The following USP46 variants were observed in gnomAD, a reference collection of about 807,000 sequenced individuals.
USP46 encodes ubiquitin carboxyl-terminal hydrolase 46.
USP46 carries 12 observed loss-of-function variants against 44.4 expected under a neutral mutation model. The ratio of observed to expected loss-of-function variants is 0.27; its 90% CI spans 0.17 to 0.44. The LOEUF is 0.44. Among genes scored for constraint, USP46 ranks in the 20% least tolerant of loss-of-function variants. The pLI, the probability that USP46 is intolerant of heterozygous loss-of-function variation, is 1.00. For synonymous variants in USP46, 155 were observed against 161.5 expected (o/e 0.96, Z 0.31); for missense variants, 248 against 444.8 (o/e 0.56, Z 3.98).
At chr4:52,635,534 A>G (rs1236847146) in intron 1 of USP46, among the ~76,000 whole-genome samples, 1 of 152,014 alleles carries the variant, frequency 6.6e-6, no homozygotes, top group Admixed American at 6.6e-5. Context: ...GACCCTTCTC[A>G]CTGGCCTTCC....
intron 1 of USP46, among the ~76,000 whole-genome samples, chr4:52,653,535 T>C (rs1217550592): frequency 6.6e-6 from 1 of 150,842 alleles, no homozygotes; most frequent in Non-Finnish European, 1.5e-5. Flanking sequence ...TGCTGATTGA[T>C]TTTTGGGTGG....
At chr4:52,654,044 A>T (rs1488052153) in intron 1 of USP46, among the ~76,000 whole-genome samples, 1 of 152,246 alleles carries the variant, frequency 6.6e-6, no homozygotes, top group African/African-American at 2.4e-5. Context: ...ACTAAATACC[A>T]GCATTCAACT....
chr4:52,602,094 C>T, intron 6 of USP46, 40 bp from the exon 7 acceptor site: 1 of 1,581,124 alleles, frequency 6.3e-7, no homozygotes, highest in African/African-American at 1.3e-5. Context: ...GTACCCAACA[C>T]CTATTAGGGG....
chr4:52,634,410 G>A (rs1308678936), intron 1 of USP46, among the ~76,000 whole-genome samples: 1 of 148,336 alleles, frequency 6.7e-6, no homozygotes, highest in Non-Finnish European at 1.5e-5. Flanking sequence ...TCAGGAGGCT[G>A]AGGCAGGAGA....
chr4:52,628,454 T>C, intron 2 of USP46: 1 of 281,668 alleles, frequency 3.6e-6, no homozygotes, highest in Non-Finnish European at 6.7e-6. Context: ...CGAGACCTGC[T>C]GGTGCTTAAA....
chr4:52,655,367 T>C (rs1718912231), intron 1 of USP46: 1 of 152,214 alleles, frequency 6.6e-6, no homozygotes, highest in African/African-American at 2.4e-5. Context: ...CAGATGGCCA[T>C]TTATCGGAAC....
At chr4:52,608,528 G>C (rs73248664) in intron 5 of USP46, among the ~76,000 whole-genome samples, 1,912 of 152,322 alleles carry the variant, frequency 0.013, 22 homozygotes, top group Non-Finnish European at 0.018. Context: ...ATTTTCCCTG[G>C]CTCACCAGTT....
intron 4 of USP46, among the ~76,000 whole-genome samples, chr4:52,621,176 C>T (rs1433004199): frequency 6.6e-6 from 1 of 152,056 alleles, no homozygotes. Context: ...ACTAATTTTA[C>T]AGAATGTTGA....
intron 2 of USP46, 152 bp from the exon 3 acceptor site, chr4:52,628,315 C>T: frequency 1.5e-6 from 1 of 651,122 alleles, no homozygotes; most frequent in Non-Finnish European, 2.6e-6. Flanking sequence ...AACTAGTTAA[C>T]TACTCTAAAC....
rs1169988432 is a variant in USP46, at chr4:52,659,118, A to G, written c.33T>C (p.Asn11=). 1 of 1,566,976 alleles carries G rather than the reference A, an allele frequency of 6.4e-7. No individual in the cohort carries two copies. Among genetic ancestry groups the G allele is most frequent in the Non-Finnish European group, 8.6e-7 (1 of 1,158,010 alleles). Residue 11 remains asparagine, a synonymous_variant, in exon 1 of 9, where the codon AAT becomes AAC. Transcript: ENST00000441222. The surrounding 1 kb of genome is among the most constrained non-coding windows in gnomAD (Gnocchi z 4.2). Reference sequence around the variant, plus strand: ...CCGAGGCGGCTCGGCCACTCACCATATTACAGATGGAGGCGATGTTTCGGA... The same window carrying G: ...CCGAGGCGGCTCGGCCACTCACCATGTTACAGATGGAGGCGATGTTTCGGA... The part of the protein sequence containing the change: MTVRNIASIC[N]MGTNASALEK...
chr4:52,637,144 T>C (rs1374236588), intron 1 of USP46, among the ~76,000 whole-genome samples: 1 of 152,182 alleles, frequency 6.6e-6, no homozygotes, highest in Non-Finnish European at 1.5e-5. Flanking sequence ...CTCTACTTCC[T>C]TATCTCCAAA....
intron 1 of USP46, among the ~76,000 whole-genome samples, chr4:52,638,961 CATGG>C (rs748285012): frequency 6.6e-6 from 1 of 152,202 alleles, no homozygotes; most frequent in Non-Finnish European, 1.5e-5. Flanking sequence ...AATTGGTTTC[CATGG>C]ATACAGAATG....
rs905830195 is a variant in USP46, at chr4:52,595,888, T to C, written c.*1752A>G. Reference sequence around the variant, plus strand: ...AAGAGATCAAAACTCACCTTCCAGGTAGTGATTACTGCGTAAGTTTCATGG... The same window carrying C: ...AAGAGATCAAAACTCACCTTCCAGGCAGTGATTACTGCGTAAGTTTCATGG... On this transcript the variant is annotated 3_prime_UTR_variant, in exon 9 of 9. Transcript: ENST00000441222. The C allele has an allele frequency of 2.0e-5, 3 of 152,548 alleles. No homozygotes were observed. The highest frequency in any genetic ancestry group is 7.2e-5 in the African/African-American group (3 of 41,448). The allele number at this position is 152,548 out of a possible 1,614,324, so 9.4% of individuals were successfully genotyped here. A position where few individuals can be genotyped will look rare whatever the true frequency, so the allele number is the denominator to read the frequency against.
At chr4:52,650,278 T>C (rs1355503135) in intron 1 of USP46, among the ~76,000 whole-genome samples, 1 of 152,232 alleles carries the variant, frequency 6.6e-6, no homozygotes, top group Non-Finnish European at 1.5e-5. Flanking sequence ...TCAGAATGAA[T>C]AAACTCGACC....
In USP46 at chr4:52,659,250, G is replaced by A. The variant is rs1719083486; in HGVS notation, c.-100C>T. ...GGCGGGGAGGCCGGGCGGCAGCGCG[G>A]CGGCCTGGGGTCCGGCTTTCAGTTT... is the stretch of plus-strand genomic sequence containing the variant. On this transcript the variant is annotated 5_prime_UTR_variant, in exon 1 of 9. Coordinates refer to ENST00000441222, the MANE Select transcript of USP46 (RefSeq NM_022832.4). This position sits in a 1 kb window ranked among gnomAD's most constrained non-coding sequence, Gnocchi z 4.2. The A allele has an allele frequency of 7.3e-7, 1 of 1,375,130 alleles. No homozygotes were observed. Among genetic ancestry groups the A allele is most frequent in the East Asian group, 3.1e-5 (1 of 32,440 alleles). 85.2% of individuals were successfully genotyped at this position (1,375,130 alleles called of 1,614,324 possible).
In USP46 at chr4:52,609,898, C is replaced by CTTTTTTTTT. The variant is rs66817554; in HGVS notation, c.638+634_638+642dup. 4.0e-3 allele frequency among the ~76,000 whole-genome samples: 99 copies of CTTTTTTTTT among 24,576 alleles called. 25 individuals are homozygous for CTTTTTTTTT. The highest frequency in any genetic ancestry group is 7.0e-3 in the East Asian group (6 of 860). The allele number at this position is 24,576 out of a possible 152,430, so 16.1% of individuals were successfully genotyped here. On this transcript the variant is annotated intron_variant, in intron 5 of 8. Coordinates refer to ENST00000441222, the MANE Select transcript of USP46 (RefSeq NM_022832.4). Reference sequence around the variant, plus strand: ...GGAAACCTAAACCTCAATTCTATTTCTTTTTTTTTTTTTTTTTTTTTTTTT... The same window carrying CTTTTTTTTT: ...GGAAACCTAAACCTCAATTCTATTTCTTTTTTTTTTTTTTTTTTTTTTTTTTTTTTTTTT...
intron 4 of USP46, among the ~76,000 whole-genome samples, chr4:52,614,929 G>C (rs1479817628): frequency 6.6e-6 from 1 of 152,100 alleles, no homozygotes; most frequent in African/African-American, 2.4e-5. Context: ...ATGTGAAATA[G>C]TATCATTATT....
rs557253919 is a variant in USP46 at position 52,632,905 on chromosome 4, A to G, written c.37-1761T>C. ...AAGGAAGGAAGGAAGGAAGGGAAAGAGAAAGAAAGAAAGAGAAAGAAAGAA... is the reference window on the plus strand; with the variant it reads ...AAGGAAGGAAGGAAGGAAGGGAAAGGGAAAGAAAGAAAGAGAAAGAAAGAA... On this transcript the variant is annotated intron_variant, in intron 1 of 8. Transcript: ENST00000441222. 8.0e-4 allele frequency among the ~76,000 whole-genome samples: 96 copies of G among 120,114 alleles called. 1 individual carries two copies. The highest frequency in any genetic ancestry group is 8.7e-4 in the Non-Finnish European group (52 of 59,906). 78.8% of individuals were successfully genotyped at this position (120,114 alleles called of 152,430 possible).
At position 52,592,773 on chromosome 4, in the gene USP46, A is replaced by G. The variant is rs1357840058; in HGVS notation, c.*4867T>C. The G allele has an allele frequency of 7.5e-6, 3 of 397,560 alleles. No individual in the cohort carries two copies. The South Asian group carries it at 4.0e-4, about 53-fold the overall frequency. 24.6% of individuals were successfully genotyped at this position (397,560 alleles called of 1,614,324 possible). ...AGAATCGCTTGAACTCGGGAGGCAG[A>G]GGTTGCAGTGAGCTGAGATCTCATC... On this transcript the variant is annotated 3_prime_UTR_variant, in exon 9 of 9. Transcript: ENST00000441222.
Sources: gnomAD v4.1 joint callset for allele counts (sites outside exome capture counted in the v4.1 genomes callset) on GRCh38, gnomAD v4.1.1 for gene constraint, Gnocchi (gnomAD v3.1) non-coding constraint, MANE v1.5 for transcripts, NCBI Gene and HGNC (gene_info 2026-07-23, HGNC 2026-07-21) for gene names.